KCNIP4: variants seen among roughly 807,000 people sequenced by gnomAD.
KCNIP4 encodes the protein potassium voltage-gated channel interacting protein 4, also known as Kv channel-interacting protein 4.
A neutral mutation model predicts 34.0 loss-of-function variants in KCNIP4; 12 were observed. The ratio of observed to expected loss-of-function variants is 0.35; its 90% CI spans 0.23 to 0.57. The LOEUF (loss-of-function observed/expected upper bound fraction) is 0.57. KCNIP4 is among the 20% of genes least tolerant of loss of function. KCNIP4 has a pLI of 0.83. For missense variants in KCNIP4, 238 were observed against 311.7 expected (o/e 0.76, Z 1.78); for synonymous variants, 124 against 102.2 (o/e 1.21, Z -1.29).
chr4:21,005,337 A>G (rs988079625), intron 1 of KCNIP4, among the ~76,000 whole-genome samples: 2 of 152,192 alleles, frequency 1.3e-5, no homozygotes, highest in Non-Finnish European at 2.9e-5. Context: ...TTCTCAAATA[A>G]TCAGGAGAAT....
chr4:21,385,968 A>G (rs1055775349), intron 1 of KCNIP4, among the ~76,000 whole-genome samples: 2 of 152,210 alleles, frequency 1.3e-5, no homozygotes, highest in Non-Finnish European at 1.5e-5. Context: ...GGGACAAACC[A>G]TGGGAACTTG....
At position 21,242,464 on chromosome 4, in the gene KCNIP4, A is replaced by C. The variant is rs1759903462; in HGVS notation, c.62-359755T>G. Among the ~76,000 whole-genome samples, 2 of 152,150 alleles carry C rather than the reference A, an allele frequency of 1.3e-5. 1 individual carries two copies. Among genetic ancestry groups the C allele is most frequent in the South Asian group, 4.1e-4 (2 of 4,826 alleles). ...CTGTGTCAACTTGACTGCACCAAGAAATGTCCAGATTAAATGTCATTTCTG... is the reference window on the plus strand; with the variant it reads ...CTGTGTCAACTTGACTGCACCAAGACATGTCCAGATTAAATGTCATTTCTG... On this transcript the variant is annotated intron_variant, in intron 1 of 8. Transcript: ENST00000382152.
intron 1 of KCNIP4, among the ~76,000 whole-genome samples, chr4:21,286,662 TTATGACA>T (rs1264489405): frequency 6.6e-6 from 1 of 152,196 alleles, no homozygotes; most frequent in African/African-American, 2.4e-5. Context: ...GAGGTAACAT[TTATGACA>T]TATGCTTGTG....
rs550478600 is a variant in KCNIP4 at position 21,521,141 on chromosome 4, A to G, written c.61+427430T>C. On this transcript the variant is annotated intron_variant, in intron 1 of 8. Transcript: ENST00000382152. ...GTGCTCCTTCCACAGGGCAGCATCC[A>G]ACAGGGGCATCCAGTGACATCCAAA... Among the ~76,000 whole-genome samples the G allele has an allele frequency of 9.2e-5, 14 of 152,294 alleles. No homozygotes were observed. The South Asian group carries it at 1.9e-3, about 20-fold the overall frequency.
At chr4:20,759,770 C>G (rs1319405454) in intron 3 of KCNIP4, among the ~76,000 whole-genome samples, 1 of 152,182 alleles carries the variant, frequency 6.6e-6, no homozygotes, top group Non-Finnish European at 1.5e-5. Context: ...GTTATAAGAA[C>G]CAGTGTGGTT....
intron 1 of KCNIP4, among the ~76,000 whole-genome samples, chr4:21,166,546 A>C (rs1753637563): frequency 6.6e-6 from 1 of 152,206 alleles, no homozygotes; most frequent in Admixed American, 6.5e-5. Context: ...TACTCAAGAG[A>C]ACAGAAAGCA....
chr4:21,809,129 G>C (rs183026220), intron 1 of KCNIP4, among the ~76,000 whole-genome samples: 3 of 135,294 alleles, frequency 2.2e-5, no homozygotes, highest in African/African-American at 7.6e-5. Context: ...GTTTCCAGAA[G>C]ACATTAGCAT....
At chr4:21,057,524 C>T (rs368642454) in intron 1 of KCNIP4, among the ~76,000 whole-genome samples, 5 of 152,196 alleles carry the variant, frequency 3.3e-5, no homozygotes, top group African/African-American at 9.6e-5. Flanking sequence ...TGAATACGGA[C>T]TTAAATTCAT....
intron 1 of KCNIP4, among the ~76,000 whole-genome samples, chr4:20,937,342 C>T (rs143380751): frequency 0.025 from 3,556 of 144,114 alleles, 127 homozygotes; most frequent in African/African-American, 0.077. Flanking sequence ...TCATGCCATT[C>T]TCCTGCCTCA....
intron 1 of KCNIP4, among the ~76,000 whole-genome samples, chr4:21,505,388 AG>A (rs1254736527): frequency 6.6e-6 from 1 of 152,196 alleles, no homozygotes; most frequent in East Asian, 1.9e-4. Flanking sequence ...ACTTTGTGAC[AG>A]TCCCATTAGA....
intron 1 of KCNIP4, among the ~76,000 whole-genome samples, chr4:21,932,112 T>C (rs1352165159): frequency 1.3e-5 from 2 of 152,128 alleles, no homozygotes; most frequent in African/African-American, 4.8e-5. Context: ...TCAGAAAATG[T>C]CCACATGTTA....
chr4:21,252,132 T>TG (rs1760751051), intron 1 of KCNIP4, among the ~76,000 whole-genome samples: 1 of 136,056 alleles, frequency 7.3e-6, no homozygotes, highest in South Asian at 2.2e-4. Flanking sequence ...AGGTTTTGTT[T>TG]TTTTTTTTTT....
At chr4:21,598,477 G>A (rs936143019) in intron 1 of KCNIP4, among the ~76,000 whole-genome samples, 4 of 152,048 alleles carry the variant, frequency 2.6e-5, no homozygotes, top group Admixed American at 2.0e-4. Flanking sequence ...AAAAATGAGA[G>A]TGGTTGTGTG....
rs149714652 is a variant in KCNIP4, at chr4:21,554,954, T to C, written c.61+393617A>G. Among the ~76,000 whole-genome samples, 438 of 152,308 alleles carry C rather than the reference T, an allele frequency of 2.9e-3. 1 individual carries two copies. The highest frequency in any genetic ancestry group is 9.8e-3 in the African/African-American group (406 of 41,562). ...ATTTTATTTTGCCTGGGTTTATATATTCTCCATCCCACTATTTAAATAAAC... is the reference window on the plus strand; with the variant it reads ...ATTTTATTTTGCCTGGGTTTATATACTCTCCATCCCACTATTTAAATAAAC... On this transcript the variant is annotated intron_variant, in intron 1 of 8. Transcript: ENST00000382152.
At chr4:20,809,652 G>T (rs536192582) in intron 3 of KCNIP4, among the ~76,000 whole-genome samples, 1 of 152,270 alleles carries the variant, frequency 6.6e-6, no homozygotes, top group African/African-American at 2.4e-5. Context: ...CTGTCATTCT[G>T]GAAGTCATAG....
chr4:20,905,509 C>CTTTT (rs10686415), intron 1 of KCNIP4, among the ~76,000 whole-genome samples: 96 of 72,798 alleles, frequency 1.3e-3, no homozygotes, highest in African/African-American at 3.7e-3. Context: ...CGTTTTCTTT[C>CTTTT]TTTTTTTTTT....
rs531977865 is a variant in KCNIP4 at position 21,123,774 on chromosome 4, G to A, written c.62-241065C>T. 1.9e-4 allele frequency among the ~76,000 whole-genome samples: 29 copies of A among 152,178 alleles called. No individual in the cohort carries two copies. In the South Asian group the frequency reaches 5.8e-3, roughly 30 times the overall value. ...CGCAATGGGATTATTGTCCTTAAAG[G>A]AAGAGGAAGAGATACCAGAGTACTC... On this transcript the variant is annotated intron_variant, in intron 1 of 8. Transcript: ENST00000382152.
intron 1 of KCNIP4, among the ~76,000 whole-genome samples, chr4:21,869,333 T>C (rs1015645027): frequency 6.6e-6 from 1 of 152,188 alleles, no homozygotes. Context: ...GAGCACATCC[T>C]CTACCCAGTA....
chr4:21,565,919 T>C (rs1739845948), intron 1 of KCNIP4, among the ~76,000 whole-genome samples: 1 of 152,080 alleles, frequency 6.6e-6, no homozygotes, highest in Non-Finnish European at 1.5e-5. Context: ...TTCAAGCAGC[T>C]CTGGATATCC....
Sources: gnomAD v4.1 joint callset for allele counts (sites outside exome capture counted in the v4.1 genomes callset) on GRCh38, gnomAD v4.1.1 for gene constraint, MANE v1.5 for transcripts, NCBI Gene and HGNC (gene_info 2026-07-23, HGNC 2026-07-21) for gene names.